The following WARS2 variants were observed in gnomAD, a reference collection of about 807,000 sequenced individuals.
WARS2 encodes tryptophanyl tRNA synthetase 2, mitochondrial.
Under a neutral mutation model 36.5 loss-of-function variants are expected in WARS2, and 28 were observed. That is an observed-to-expected ratio of 0.77 (90% CI 0.57 to 1.05). The LOEUF is 1.05. Among genes scored for constraint, WARS2 ranks in the 50% least tolerant of loss-of-function variants. WARS2 has a pLI of 0.00. For synonymous variants in WARS2, 174 were observed against 178.4 expected, an observed-to-expected ratio of 0.98 and a Z score of 0.20; for missense variants, 435 against 456.8, an observed-to-expected ratio of 0.95 and a Z score of 0.44.
intron 2 of WARS2, among the ~76,000 whole-genome samples, chr1:119,057,193 C>A (rs1009640229): frequency 6.6e-6 from 1 of 151,978 alleles, no homozygotes; most frequent in Non-Finnish European, 1.5e-5. Context: ...GTCGCCCAGG[C>A]TGGAGTCAGT....
At chr1:119,094,881 GAA>G (rs1441862605) in intron 1 of WARS2, among the ~76,000 whole-genome samples, 2 of 148,492 alleles carry the variant, frequency 1.3e-5, no homozygotes, top group African/African-American at 2.5e-5. Flanking sequence ...ATAACTTTAG[GAA>G]AAAAAAAGAG....
intron 1 of WARS2, among the ~76,000 whole-genome samples, chr1:119,110,757 C>A (rs1273777939): frequency 6.6e-6 from 1 of 151,938 alleles, no homozygotes; most frequent in East Asian, 1.9e-4. Flanking sequence ...TTTTTCTTCT[C>A]CATCAAATAT....
At chr1:119,091,254 T>C (rs1374700124) in intron 1 of WARS2, among the ~76,000 whole-genome samples, 1 of 152,220 alleles carries the variant, frequency 6.6e-6, no homozygotes, top group Non-Finnish European at 1.5e-5. Flanking sequence ...TAGCTAACAT[T>C]TATTGAGTGC....
intron 4 of WARS2, among the ~76,000 whole-genome samples, chr1:119,041,640 T>C (rs941446066): frequency 6.6e-6 from 1 of 152,226 alleles, no homozygotes; most frequent in Non-Finnish European, 1.5e-5. Flanking sequence ...TAGCCACACA[T>C]GTGGCTACTG....
rs116821374 is a variant in WARS2, at chr1:119,071,648, T to C, written c.348+4702A>G. On this transcript the variant is annotated intron_variant, in intron 2 of 5. Coordinates refer to ENST00000235521, the MANE Select transcript of WARS2 (RefSeq NM_015836.4). ...TGTGAAATCTAAAAAATCGAGCTCATAGAAGCACAGTAGAATGGGGCAAGA... is the reference window on the plus strand; with the variant it reads ...TGTGAAATCTAAAAAATCGAGCTCACAGAAGCACAGTAGAATGGGGCAAGA... Among the ~76,000 whole-genome samples, 23 of 152,088 alleles carry C rather than the reference T, an allele frequency of 1.5e-4. No homozygotes were observed. In the East Asian group the frequency reaches 2.3e-3, roughly 15 times the overall value.
At chr1:119,084,834 T>C (rs750306966) in intron 1 of WARS2, among the ~76,000 whole-genome samples, 8 of 152,206 alleles carry the variant, frequency 5.3e-5, no homozygotes, top group Non-Finnish European at 8.8e-5. Context: ...ATCTAGGATA[T>C]GTAGCTGTTG....
At chr1:119,052,361 C>T (rs1256418178) in intron 2 of WARS2, among the ~76,000 whole-genome samples, 1 of 152,126 alleles carries the variant, frequency 6.6e-6, no homozygotes, top group Non-Finnish European at 1.5e-5. Flanking sequence ...TTTATTGCTT[C>T]CTCTTGGAAA....
intron 1 of WARS2, among the ~76,000 whole-genome samples, chr1:119,112,152 C>T (rs1028549677): frequency 6.6e-6 from 1 of 152,098 alleles, no homozygotes; most frequent in African/African-American, 2.4e-5. Context: ...AAACTCCTGA[C>T]CTCAGGTGAT....
chr1:119,069,217 C>T (rs1651114537), intron 2 of WARS2, among the ~76,000 whole-genome samples: 1 of 152,148 alleles, frequency 6.6e-6, no homozygotes, highest in African/African-American at 2.4e-5. Flanking sequence ...GAAAAAATCA[C>T]ATTATAAAAT....
At position 119,073,814 on chromosome 1, in the gene WARS2, A is replaced by G. The variant is rs587737075; in HGVS notation, c.348+2536T>C. On this transcript the variant is annotated intron_variant, in intron 2 of 5. Transcript: ENST00000235521. ...ACATATCTCAATTATTGCAAATTTT[A>G]GATGCTTATGAAGATCACTGCTAAA... 5.9e-5 allele frequency among the ~76,000 whole-genome samples: 9 copies of G among 152,356 alleles called. No individual in the cohort carries two copies. In the South Asian group the frequency reaches 1.4e-3, roughly 25 times the overall value.
At chr1:119,127,227 A>G (rs587747718) in intron 1 of WARS2, 9 of 742,484 alleles carry the variant, frequency 1.2e-5, no homozygotes, top group South Asian at 1.1e-4. Context: ...AAATGGATCG[A>G]CCACTTTCTT....
At chr1:119,089,685 T>C (rs1652907865) in intron 1 of WARS2, among the ~76,000 whole-genome samples, 1 of 152,308 alleles carries the variant, frequency 6.6e-6, no homozygotes, top group Admixed American at 6.5e-5. Flanking sequence ...TGGAAATCTG[T>C]CCTATAGAAA....
intron 1 of WARS2, among the ~76,000 whole-genome samples, chr1:119,108,721 G>A (rs1162156528): frequency 6.6e-6 from 1 of 151,742 alleles, no homozygotes; most frequent in African/African-American, 2.4e-5. Flanking sequence ...ATTGATTTCT[G>A]CTCCAATTTA....
Position 119,032,964 on chromosome 1 carries a change from C to G in WARS2, c.1030G>C (p.Glu344Gln). 1 of 1,614,238 alleles carries G rather than the reference C, an allele frequency of 6.2e-7. No homozygotes were observed. Residue 344 changes from glutamate to glutamine, a missense_variant, in exon 6 of 6, where the codon GAA becomes CAA. Coordinates refer to ENST00000235521, the MANE Select transcript of WARS2 (RefSeq NM_015836.4). Reference protein sequence around the residue: ...VLQIGSAKAKELAYTVCQEVK... With the variant: ...VLQIGSAKAKQLAYTVCQEVK... Reference sequence around the variant, plus strand: ...TCCTGGCACACAGTGTATGCTAATTCTTTGGCTTTTGCTGATCCAATTTGT... The same window carrying G: ...TCCTGGCACACAGTGTATGCTAATTGTTTGGCTTTTGCTGATCCAATTTGT...
At chr1:119,070,779 A>G (rs1651241735) in intron 2 of WARS2, among the ~76,000 whole-genome samples, 1 of 152,058 alleles carries the variant, frequency 6.6e-6, no homozygotes, top group Non-Finnish European at 1.5e-5. Context: ...GTTTCCTAAT[A>G]AGCATTTTTT....
chr1:119,056,235 C>T (rs1487640382), intron 2 of WARS2, among the ~76,000 whole-genome samples: 1 of 138,678 alleles, frequency 7.2e-6, no homozygotes, highest in East Asian at 2.1e-4. Flanking sequence ...CGAGGTTTTG[C>T]CATGTAGCCC....
At chr1:119,124,338 C>T (rs1277038575) in intron 1 of WARS2, among the ~76,000 whole-genome samples, 1 of 151,930 alleles carries the variant, frequency 6.6e-6, no homozygotes, top group Non-Finnish European at 1.5e-5. Context: ...ACTAAAAATA[C>T]AAAAATTAGC....
chr1:119,048,628 A>G (rs767476756), intron 2 of WARS2, among the ~76,000 whole-genome samples: 2 of 152,132 alleles, frequency 1.3e-5, no homozygotes, highest in Admixed American at 1.3e-4. Context: ...AAAGAGGGGC[A>G]AGGCATGGTC....
At chr1:119,054,716 C>A (rs1374725135) in intron 2 of WARS2, among the ~76,000 whole-genome samples, 1 of 152,032 alleles carries the variant, frequency 6.6e-6, no homozygotes, top group Non-Finnish European at 1.5e-5. Flanking sequence ...ATTATTCAGC[C>A]TTAAAAATTA....
Sources: gnomAD v4.1 joint callset for allele counts (sites outside exome capture counted in the v4.1 genomes callset) on GRCh38, gnomAD v4.1.1 for gene constraint, MANE v1.5 for transcripts, NCBI Gene and HGNC (gene_info 2026-07-23, HGNC 2026-07-21) for gene names.